The following SFSWAP variants were observed in gnomAD, a reference collection of about 807,000 sequenced individuals.
SFSWAP encodes the protein splicing factor, suppressor of white-apricot homolog.
SFSWAP carries 17 observed loss-of-function variants against 100.7 expected under a neutral mutation model. That is an observed-to-expected ratio of 0.17 (90% confidence interval 0.12 to 0.25). The LOEUF is 0.25. SFSWAP is among the 10% of genes least tolerant of loss of function. The pLI, the probability that SFSWAP is intolerant of heterozygous loss-of-function variation, is 1.00. For synonymous variants in SFSWAP, 504 were observed against 510.1 expected, an observed-to-expected ratio of 0.99 and a Z score of 0.16; for missense variants, 1,005 against 1,262.6, an observed-to-expected ratio of 0.80 and a Z score of 3.09.
intron 15 of SFSWAP, among the ~76,000 whole-genome samples, chr12:131,792,097 CAT>C (rs774283519): frequency 2.7e-5 from 4 of 150,078 alleles, no homozygotes; most frequent in African/African-American, 9.8e-5. Context: ...TGTGTGCGCC[CAT>C]GTGTGTTCAC....
At chr12:131,795,358 C>A (rs910067490) in intron 15 of SFSWAP, among the ~76,000 whole-genome samples, 5 of 152,178 alleles carry the variant, frequency 3.3e-5, no homozygotes, top group South Asian at 2.1e-4. Context: ...CTGCTCACGC[C>A]CAGAACCACA....
chr12:131,712,558 A>T (rs193109475), intron 1 of SFSWAP: 4 of 152,342 alleles, frequency 2.6e-5, no homozygotes, highest in Admixed American at 2.6e-4. Context: ...GCCCTGGAGC[A>T]TGACTGTAGG....
chr12:131,735,834 C>T (rs1879964543), intron 7 of SFSWAP, among the ~76,000 whole-genome samples: 1 of 152,230 alleles, frequency 6.6e-6, no homozygotes, highest in Non-Finnish European at 1.5e-5. Flanking sequence ...GACTTTTTAT[C>T]CATCTTCTCA....
chr12:131,799,320 G>A, intron 17 of SFSWAP, 103 bp from the exon 18 acceptor site: 1 of 1,290,372 alleles, frequency 7.7e-7, no homozygotes, highest in Non-Finnish European at 1.1e-6. Flanking sequence ...CACGGTGCTA[G>A]CACCGTCTGG....
At chr12:131,789,517 CAG>C (rs1022802404) in intron 15 of SFSWAP, among the ~76,000 whole-genome samples, 38 of 152,228 alleles carry the variant, frequency 2.5e-4, no homozygotes, top group African/African-American at 8.4e-4. Context: ...ACCTGGGTAA[CAG>C]AGTGAAACCC....
At chr12:131,797,450 A>G (rs1885765762) in intron 16 of SFSWAP, 90 bp downstream of exon 16, 2 of 1,204,484 alleles carry the variant, frequency 1.7e-6, no homozygotes, top group South Asian at 3.1e-5. Context: ...TGCCTATGTC[A>G]GTACTCGCCT....
At chr12:131,767,437 A>G (rs1310580671) in intron 13 of SFSWAP, among the ~76,000 whole-genome samples, 1 of 152,140 alleles carries the variant, frequency 6.6e-6, no homozygotes, top group Non-Finnish European at 1.5e-5. Flanking sequence ...TGGAGACATA[A>G]CTCTTAAAGT....
chr12:131,768,046 C>T (rs1053368455), intron 13 of SFSWAP, among the ~76,000 whole-genome samples: 2 of 152,244 alleles, frequency 1.3e-5, no homozygotes, highest in African/African-American at 2.4e-5. Flanking sequence ...TGCGCGTGCT[C>T]GCTCATCTAT....
At chr12:131,747,663 C>T (rs1162424550) in intron 7 of SFSWAP, among the ~76,000 whole-genome samples, 1 of 152,190 alleles carries the variant, frequency 6.6e-6, no homozygotes, top group Non-Finnish European at 1.5e-5. Flanking sequence ...AGAGCTGAAT[C>T]ATCGGGCGTC....
At chr12:131,796,468 A>AAGGGGAC (rs1566065160) in intron 15 of SFSWAP, 1 of 152,524 alleles carries the variant, frequency 6.6e-6, no homozygotes, top group Non-Finnish European at 1.5e-5. Context: ...TCTGGGAAGC[A>AAGGGGAC]AGGGGACAGG....
chr12:131,738,882 A>ATTTTTTTTTTTTTT (rs1555243205), intron 7 of SFSWAP, among the ~76,000 whole-genome samples: 36 of 40,164 alleles, frequency 9.0e-4, no homozygotes, highest in East Asian at 1.9e-3. Flanking sequence ...AATGAACATT[A>ATTTTTTTTTTTTTT]TTCTTTTTTT....
intron 14 of SFSWAP, among the ~76,000 whole-genome samples, chr12:131,779,316 T>TGAGCGTGTGTGAAGAGGGCGGCGC (rs1566051767): frequency 3.3e-5 from 5 of 151,132 alleles, no homozygotes; most frequent in Non-Finnish European, 7.4e-5. Flanking sequence ...GCGGCGCTGG[T>TGAGCGTGTGTGAAGAGGGCGGCGC]GCAGAATGTT....
intron 14 of SFSWAP, among the ~76,000 whole-genome samples, chr12:131,783,016 A>T (rs61943860): frequency 0.075 from 11,456 of 152,058 alleles, 489 homozygotes; most frequent in Middle Eastern, 0.12. Context: ...CCCCATCTCT[A>T]CTAAAAATAC....
At chr12:131,716,828 G>A (rs932859018) in intron 3 of SFSWAP, among the ~76,000 whole-genome samples, 7 of 152,126 alleles carry the variant, frequency 4.6e-5, no homozygotes, top group African/African-American at 7.2e-5. Flanking sequence ...TTGTCTCGGC[G>A]TAATTATTGG....
At chr12:131,762,543 T>G (rs1157002532) in intron 11 of SFSWAP, among the ~76,000 whole-genome samples, 3 of 152,264 alleles carry the variant, frequency 2.0e-5, no homozygotes, top group African/African-American at 7.2e-5. Context: ...ATAATTGTTA[T>G]TAAATCATTT....
intron 5 of SFSWAP, among the ~76,000 whole-genome samples, chr12:131,726,224 A>T (rs532802650): frequency 4.0e-5 from 6 of 151,574 alleles, no homozygotes; most frequent in Non-Finnish European, 1.5e-5. Flanking sequence ...TTAATTGGCG[A>T]CAGAGTCTCG....
intron 7 of SFSWAP, among the ~76,000 whole-genome samples, chr12:131,748,693 CT>C (rs1881356320): frequency 6.6e-6 from 1 of 152,196 alleles, no homozygotes; most frequent in Non-Finnish European, 1.5e-5. Context: ...TTTCTCTGAC[CT>C]ATGTTAAGTA....
chr12:131,722,556 A>T (rs1213663792), intron 4 of SFSWAP, among the ~76,000 whole-genome samples: 3 of 152,204 alleles, frequency 2.0e-5, no homozygotes, highest in Non-Finnish European at 4.4e-5. Flanking sequence ...TATTCTGTTG[A>T]TGAATAATAA....
intron 10 of SFSWAP, 67 bp from the exon 11 acceptor site, chr12:131,756,406 A>G (rs1475659813): frequency 7.0e-7 from 1 of 1,433,956 alleles, no homozygotes; most frequent in Non-Finnish European, 9.8e-7. Context: ...TACCGTATAC[A>G]TCTCTCTTTT....
Sources: gnomAD v4.1 joint callset for allele counts (sites outside exome capture counted in the v4.1 genomes callset) on GRCh38, gnomAD v4.1.1 for gene constraint, MANE v1.5 for transcripts, NCBI Gene and HGNC (gene_info 2026-07-23, HGNC 2026-07-21) for gene names.